GABRB1: variants seen among roughly 807,000 people sequenced by gnomAD.
GABRB1 encodes gamma-aminobutyric acid type A receptor subunit beta1, also known as gamma-aminobutyric acid receptor subunit beta-1.
GABRB1 carries 17 observed loss-of-function variants against 51.6 expected under a neutral mutation model. That is an observed-to-expected ratio of 0.33 (90% CI 0.23 to 0.49). The LOEUF (loss-of-function observed/expected upper bound fraction) is 0.49, where lower values mean the gene tolerates loss of function less well. Among genes scored for constraint, GABRB1 ranks in the 20% least tolerant of loss-of-function variants. The pLI, the probability that GABRB1 is intolerant of heterozygous loss-of-function variation, is 0.99. For synonymous variants in GABRB1, 247 were observed against 218.9 expected, an observed-to-expected ratio of 1.13 and a Z score of -1.14; for missense variants, 410 against 600.6, an observed-to-expected ratio of 0.68 and a Z score of 3.32.
intron 3 of GABRB1, among the ~76,000 whole-genome samples, chr4:47,036,602 C>A (rs957257572): frequency 1.3e-5 from 2 of 152,114 alleles, no homozygotes; most frequent in Non-Finnish European, 2.9e-5. Context: ...TGGCCCCAAC[C>A]AGTAATCCCA....
At chr4:47,371,800 G>T (rs1300943249) in intron 5 of GABRB1, among the ~76,000 whole-genome samples, 1 of 151,694 alleles carries the variant, frequency 6.6e-6, no homozygotes. Context: ...GTTTTTTCTT[G>T]TAAATTTGTT....
chr4:47,372,238 G>C (rs572080772), intron 5 of GABRB1, among the ~76,000 whole-genome samples: 1 of 152,156 alleles, frequency 6.6e-6, no homozygotes, highest in African/African-American at 2.4e-5. Context: ...TCGAAGATCC[G>C]ATAGTTGTAG....
intron 4 of GABRB1, among the ~76,000 whole-genome samples, chr4:47,315,833 A>G (rs894964838): frequency 6.6e-6 from 1 of 151,564 alleles, no homozygotes; most frequent in African/African-American, 2.4e-5. Context: ...TAAACATTAA[A>G]TATTAATATA....
At chr4:47,189,056 G>A (rs770680643) in intron 4 of GABRB1, among the ~76,000 whole-genome samples, 18 of 151,970 alleles carry the variant, frequency 1.2e-4, no homozygotes, top group Non-Finnish European at 2.5e-4. Context: ...AGTCCTGAGC[G>A]TGGAAAGGGC....
At chr4:47,130,629 C>T (rs1165136174) in intron 3 of GABRB1, among the ~76,000 whole-genome samples, 1 of 152,052 alleles carries the variant, frequency 6.6e-6, no homozygotes, top group Non-Finnish European at 1.5e-5. Flanking sequence ...GGAATAGTAC[C>T]TCTCTTTCAT....
At chr4:47,022,356 T>C (rs1419203275) in intron 1 of GABRB1, among the ~76,000 whole-genome samples, 1 of 152,120 alleles carries the variant, frequency 6.6e-6, no homozygotes, top group Non-Finnish European at 1.5e-5. Context: ...AAATTAGCAC[T>C]TCAAAGTCAT....
At chr4:47,224,382 C>T (rs1720874651) in intron 4 of GABRB1, among the ~76,000 whole-genome samples, 1 of 151,972 alleles carries the variant, frequency 6.6e-6, no homozygotes, top group African/African-American at 2.4e-5. Flanking sequence ...GGGTTAACTT[C>T]ACTGCAATAG....
In GABRB1 at chr4:47,388,972, C is replaced by T. The variant is rs376654016; in HGVS notation, c.545-14346C>T. Among the ~76,000 whole-genome samples, 5 of 152,150 alleles carry T rather than the reference C, an allele frequency of 3.3e-5. No individual in the cohort carries two copies. In the East Asian group the frequency reaches 7.7e-4, roughly 23 times the overall value. ...AGATGAATTTTTACTTATGATAGAA[C>T]ATGTTTTCTAATGATTATTATCAGA... On this transcript the variant is annotated intron_variant, in intron 5 of 8. Coordinates refer to ENST00000295454, the MANE Select transcript of GABRB1 (RefSeq NM_000812.4).
intron 3 of GABRB1, among the ~76,000 whole-genome samples, chr4:47,138,387 A>AC (rs953096719): frequency 6.6e-6 from 1 of 152,020 alleles, no homozygotes; most frequent in African/African-American, 2.4e-5. Flanking sequence ...TAAGATAATC[A>AC]CCCAAACCCT....
rs537665179 is a variant in GABRB1 at position 47,409,439 on chromosome 4, C to T, written c.1080+2513C>T. Among the ~76,000 whole-genome samples, 8 of 152,256 alleles carry T rather than the reference C, an allele frequency of 5.3e-5. No individual in the cohort carries two copies. In the East Asian group the frequency reaches 5.8e-4, roughly 11 times the overall value. ...CTTCCCCAGGAGTTTGGCCATCCCGCGGCCATCTCTCCGACCATCTCCAGC... is the reference window on the plus strand; with the variant it reads ...CTTCCCCAGGAGTTTGGCCATCCCGTGGCCATCTCTCCGACCATCTCCAGC... On this transcript the variant is annotated intron_variant, in intron 8 of 8. Transcript: ENST00000295454.
chr4:47,425,651 G>C (rs370038180), intron 8 of GABRB1, 23 bp from the exon 9 acceptor site: 2 of 1,557,234 alleles, frequency 1.3e-6, no homozygotes, highest in Admixed American at 3.7e-5. Flanking sequence ...ACTTGTGTCC[G>C]AGCCTGTTCT....
chr4:47,413,854 C>T (rs1382442124), intron 8 of GABRB1, among the ~76,000 whole-genome samples: 2 of 152,122 alleles, frequency 1.3e-5, no homozygotes, highest in Non-Finnish European at 2.9e-5. Flanking sequence ...TCCAGACATT[C>T]GGAGAGTTTC....
intron 5 of GABRB1, among the ~76,000 whole-genome samples, chr4:47,352,270 A>G (rs1220202595): frequency 6.6e-6 from 1 of 152,204 alleles, no homozygotes; most frequent in Non-Finnish European, 1.5e-5. Context: ...TGTGGCAATA[A>G]TCAATAGCTT....
intron 3 of GABRB1, among the ~76,000 whole-genome samples, chr4:47,091,810 T>C (rs1274157844): frequency 6.6e-6 from 1 of 152,212 alleles, no homozygotes; most frequent in East Asian, 1.9e-4. Flanking sequence ...CTCCTGGCAC[T>C]CCACGCCTCT....
intron 3 of GABRB1, among the ~76,000 whole-genome samples, chr4:47,109,058 C>T (rs143643341): frequency 1.3e-5 from 2 of 152,128 alleles, no homozygotes; most frequent in East Asian, 3.9e-4. Context: ...TATTTGACAA[C>T]ATTAAAACAC....
At chr4:47,177,518 A>G (rs1261185746) in intron 4 of GABRB1, among the ~76,000 whole-genome samples, 1 of 152,126 alleles carries the variant, frequency 6.6e-6, no homozygotes, top group Admixed American at 6.6e-5. Context: ...CTACTTGCTT[A>G]CCTTAGTGAC....
chr4:47,294,844 T>C (rs537006163), intron 4 of GABRB1, among the ~76,000 whole-genome samples: 147 of 152,254 alleles, frequency 9.7e-4, no homozygotes, highest in African/African-American at 3.5e-3. Context: ...GCAGCCTAAC[T>C]GGGAGGCACC....
At chr4:47,074,214 T>C (rs950634670) in intron 3 of GABRB1, among the ~76,000 whole-genome samples, 4 of 152,172 alleles carry the variant, frequency 2.6e-5, no homozygotes, top group Non-Finnish European at 5.9e-5. Context: ...TAAAAGATAG[T>C]ATATTAAAAA....
chr4:47,034,294 G>A (rs1451627173), intron 3 of GABRB1, among the ~76,000 whole-genome samples: 2 of 152,060 alleles, frequency 1.3e-5, no homozygotes, highest in East Asian at 1.9e-4. Context: ...AAATAGGGAA[G>A]TTGCTGCAAT....
Sources: gnomAD v4.1 joint callset for allele counts (sites outside exome capture counted in the v4.1 genomes callset) on GRCh38, gnomAD v4.1.1 for gene constraint, MANE v1.5 for transcripts, NCBI Gene and HGNC (gene_info 2026-07-23, HGNC 2026-07-21) for gene names.